Variants in TOR4A observed in about 807,000 individuals in gnomAD.
The protein encoded by TOR4A is torsin family 4 member A.
A neutral mutation model predicts 11.5 loss-of-function variants in TOR4A; 12 were observed. That is an observed-to-expected ratio of 1.04 (90% CI 0.67 to 1.69). The LOEUF (loss-of-function observed/expected upper bound fraction) is 1.69, where lower values mean the gene tolerates loss of function less well. Among genes scored for constraint, TOR4A ranks in the 40% most tolerant of loss-of-function variants. The pLI, the probability that TOR4A is intolerant of heterozygous loss-of-function variation, is 0.00. For missense variants in TOR4A, 640 were observed against 643.2 expected (o/e 0.99, Z 0.05); for synonymous variants, 362 against 307.4 (o/e 1.18, Z -1.86).
chr9:137,277,788 C>T lies in TOR4A; in HGVS notation c.-157C>T, dbSNP rs532574312. 2 of 152,442 alleles carry T rather than the reference C, an allele frequency of 1.3e-5. No homozygotes were observed. The highest frequency in any genetic ancestry group is 2.9e-5 in the Non-Finnish European group (2 of 68,100). The allele number at this position is 152,442 out of a possible 1,614,324, so 9.4% of individuals were successfully genotyped here. A position where few individuals can be genotyped will look rare whatever the true frequency, so the allele number is the denominator to read the frequency against. On this transcript the variant is annotated 5_prime_UTR_variant, in exon 1 of 2. Transcript: ENST00000357503. ...GCTGCCCCTCCAGGCCGAAGCTGGC[C>T]CAGGAGGCCCCTGGCCCACCCCCTC...
At position 137,279,533 on chromosome 9, in the gene TOR4A, T is replaced by C. The variant is rs1429517659; in HGVS notation, c.844T>C (p.Phe282Leu). 1.9e-6 allele frequency: 3 copies of C among 1,587,578 alleles called. No homozygotes were observed. Among genetic ancestry groups the C allele is most frequent in the Admixed American group, 1.7e-5 (1 of 58,234 alleles). The change falls in exon 2 of 2, where the codon TTC becomes CTC. Residue 282 changes from phenylalanine (F) to leucine (L), a missense_variant. Phe to Leu is a conservative substitution (Grantham distance 22). Coordinates refer to ENST00000357503, the MANE Select transcript of TOR4A (RefSeq NM_017723.3). ...PRPLLDELHG[F>L]LQPQRSHHFH... ...GCCGCTGCTGGACGAGCTGCACGGCTTCCTGCAGCCGCAGCGCTCCCACCA... is the reference window on the plus strand; with the variant it reads ...GCCGCTGCTGGACGAGCTGCACGGCCTCCTGCAGCCGCAGCGCTCCCACCA...
rs1434451770 is a variant in TOR4A at position 137,281,389 on chromosome 9, T to G, written c.*1428T>G. On this transcript the variant is annotated 3_prime_UTR_variant, in exon 2 of 2. Transcript: ENST00000357503. ...CGGAGACCGCGCCCACCAGCGCCGG[T>G]GTCCCCGGAGGGGCCCCGCTAGTTC... The G allele has an allele frequency of 6.4e-6, 1 of 155,810 alleles. No individual in the cohort carries two copies. The highest frequency in any genetic ancestry group is 1.5e-5 in the Non-Finnish European group (1 of 68,058). 9.7% of individuals were successfully genotyped at this position (155,810 alleles called of 1,614,324 possible).
At position 137,278,463 on chromosome 9, in the gene TOR4A, G is replaced by C. The variant is rs529852325; in HGVS notation, c.-37-190G>C. Among the ~76,000 whole-genome samples the C allele has an allele frequency of 1.5e-3, 226 of 152,212 alleles. 3 individuals carry two copies. Among genetic ancestry groups the C allele is most frequent in the Middle Eastern group, 3.4e-3 (1 of 292 alleles). On this transcript the variant is annotated intron_variant, in intron 1 of 1. Coordinates refer to ENST00000357503, the MANE Select transcript of TOR4A (RefSeq NM_017723.3). Reference sequence around the variant, plus strand: ...CGGGGCCCTGCGGAGGGGCGGAGGGGCGGAGGGGCGGAGGGGTCGCTTGCC... The same window carrying C: ...CGGGGCCCTGCGGAGGGGCGGAGGGCCGGAGGGGCGGAGGGGTCGCTTGCC...
At position 137,280,754 on chromosome 9, in the gene TOR4A, A is replaced by G. The variant is rs559843534; in HGVS notation, c.*793A>G. On this transcript the variant is annotated 3_prime_UTR_variant, in exon 2 of 2. Coordinates refer to ENST00000357503, the MANE Select transcript of TOR4A (RefSeq NM_017723.3). ...TTTCCCTGGGGCCTTTTGTGCCCCG[A>G]GTTCCGCCCACCCGCACCCTCTGCG... 1.1e-4 allele frequency: 18 copies of G among 166,858 alleles called. No homozygotes were observed. Among genetic ancestry groups the G allele is most frequent in the Non-Finnish European group, 1.9e-4 (13 of 68,158 alleles). 10.3% of individuals were successfully genotyped at this position (166,858 alleles called of 1,614,324 possible).
At position 137,279,140 on chromosome 9, in the gene TOR4A, G is replaced by C. The variant is rs141961517; in HGVS notation, c.451G>C (p.Asp151His). Residue 151 changes from aspartate to histidine, a missense_variant, in exon 2 of 2, where the codon GAC becomes CAC. Physicochemically the swap from Asp to His is moderately conservative, Grantham distance 81. Transcript: ENST00000357503. ...CGATAACGCGCAGCGCTATGACCTC[G>C]ACGGGCTGGAGAAAGCGCTGCAGCG... ...LDDNAQRYDL[D>H]GLEKALQRAV... 128 of 1,580,160 alleles carry C rather than the reference G, an allele frequency of 8.1e-5. No individual in the cohort carries two copies. The highest frequency in any genetic ancestry group is 1.1e-4 in the Non-Finnish European group (125 of 1,163,582).
In TOR4A at chr9:137,278,599, G is replaced by A. The variant is rs928369620; in HGVS notation, c.-37-54G>A. 3.9e-5 allele frequency: 45 copies of A among 1,166,358 alleles called. No homozygotes were observed. In the African/African-American group the frequency reaches 6.5e-4, roughly 17 times the overall value. 72.3% of individuals were successfully genotyped at this position (1,166,358 alleles called of 1,614,324 possible). A position where few individuals can be genotyped will look rare whatever the true frequency, so the allele number is the denominator to read the frequency against. ...CTCCGGGGACCGGTTCCGGCGGCCC[G>A]CGGGAAAGGGCAGTGGCGGGAGTCC... On this transcript the variant is annotated intron_variant, in intron 1 of 1. Transcript: ENST00000357503.
chr9:137,279,883 C>G lies in TOR4A; in HGVS notation c.1194C>G (p.Leu398=). Residue 398 remains leucine, a synonymous_variant, in exon 2 of 2, where the codon CTC becomes CTG. Coordinates refer to ENST00000357503, the MANE Select transcript of TOR4A (RefSeq NM_017723.3). ...QARAENLAAQ[L]SFYRVAGREF... is the part of the protein sequence containing the mutation. ...GCGCGGAGAACCTGGCCGCGCAGCT[C>G]AGCTTCTACCGCGTGGCTGGCCGCG... 6.3e-7 allele frequency: 1 copy of G among 1,581,748 alleles called. No homozygotes were observed. Among genetic ancestry groups the G allele is most frequent in the African/African-American group, 1.3e-5 (1 of 74,514 alleles).
chr9:137,278,742 C>G lies in TOR4A; in HGVS notation c.53C>G (p.Ser18Trp). Residue 18 changes from serine (S) to tryptophan (W), a missense_variant, in exon 2 of 2, where the codon TCG becomes TGG. Transcript: ENST00000357503. ...LEPAAAAPRASGRCVIAPVRA... is the reference protein window; with the variant it reads ...LEPAAAAPRAWGRCVIAPVRA... ...CCTGCTGCCGCGGCCCCCCGAGCCTCGGGCCGGTGCGTGATCGCGCCCGTG... is the reference window on the plus strand; with the variant it reads ...CCTGCTGCCGCGGCCCCCCGAGCCTGGGGCCGGTGCGTGATCGCGCCCGTG... The G allele has an allele frequency of 1.4e-6, 2 of 1,385,246 alleles. No homozygotes were observed. The highest frequency in any genetic ancestry group is 1.6e-5 in the South Asian group (1 of 63,018). The allele number at this position is 1,385,246 out of a possible 1,614,324, so 85.8% of individuals were successfully genotyped here. A position where few individuals can be genotyped will look rare whatever the true frequency, so the allele number is the denominator to read the frequency against.
At position 137,281,494 on chromosome 9, in the gene TOR4A, G is replaced by C. The variant is rs541013935; in HGVS notation, c.*1533G>C. The C allele has an allele frequency of 6.1e-6, 1 of 162,960 alleles. No homozygotes were observed. The highest frequency in any genetic ancestry group is 1.5e-5 in the Non-Finnish European group (1 of 68,128). 10.1% of individuals were successfully genotyped at this position (162,960 alleles called of 1,614,324 possible). ...CGCATCCATTCTCGCCCTGGTGGTT[G>C]GTGTCTGTGGTCGGGGGCGAGGGCC... On this transcript the variant is annotated 3_prime_UTR_variant, in exon 2 of 2. Coordinates refer to ENST00000357503, the MANE Select transcript of TOR4A (RefSeq NM_017723.3).
rs117569577 is a variant in TOR4A at position 137,280,970 on chromosome 9, C to T, written c.*1009C>T. On this transcript the variant is annotated 3_prime_UTR_variant, in exon 2 of 2. Coordinates refer to ENST00000357503, the MANE Select transcript of TOR4A (RefSeq NM_017723.3). The stretch of plus-strand genomic sequence containing the variant: ...GGTTGCCTCGGGACGGTTCTCGCCT[C>T]CTCCCACAGCCCCGGTGTCTGGGAC... 0.014 allele frequency: 2,289 copies of T among 167,126 alleles called. 70 individuals are homozygous for T. The highest frequency in any genetic ancestry group is 0.13 in the East Asian group (666 of 5,158). 10.4% of individuals were successfully genotyped at this position (167,126 alleles called of 1,614,324 possible). A position where few individuals can be genotyped will look rare whatever the true frequency, so the allele number is the denominator to read the frequency against.
At position 137,279,906 on chromosome 9, in the gene TOR4A, G is replaced by A. The variant is rs768905936; in HGVS notation, c.1217G>A (p.Arg406His). The A allele has an allele frequency of 3.8e-6, 6 of 1,579,284 alleles. 1 individual carries two copies. In the South Asian group the frequency reaches 4.6e-5, roughly 12 times the overall value. The stretch of plus-strand genomic sequence containing the variant: ...CTCAGCTTCTACCGCGTGGCTGGCC[G>A]CGAGTTTGCCGTCACCGGCTGCAAG... Reference protein sequence around the residue: ...AQLSFYRVAGREFAVTGCKQV... With the variant: ...AQLSFYRVAGHEFAVTGCKQV... The change falls in exon 2 of 2, where the codon CGC becomes CAC. Residue 406 changes from arginine (R) to histidine (H), a missense_variant. Physicochemically the swap from Arg to His is conservative, Grantham distance 29 (BLOSUM62 0). Coordinates refer to ENST00000357503, the MANE Select transcript of TOR4A (RefSeq NM_017723.3).
chr9:137,281,458 C>T lies in TOR4A; in HGVS notation c.*1497C>T, dbSNP rs936602897. The T allele has an allele frequency of 7.4e-5, 12 of 161,344 alleles. No homozygotes were observed. Among genetic ancestry groups the T allele is most frequent in the African/African-American group, 2.9e-4 (12 of 41,474 alleles). The allele number at this position is 161,344 out of a possible 1,614,324, so 10.0% of individuals were successfully genotyped here. A position where few individuals can be genotyped will look rare whatever the true frequency, so the allele number is the denominator to read the frequency against. On this transcript the variant is annotated 3_prime_UTR_variant, in exon 2 of 2. Transcript: ENST00000357503. The stretch of plus-strand genomic sequence containing the variant: ...GGCTTCCCGGAGGGTGTCCTGTTCT[C>T]TCCCCCGCCTCGCATCCATTCTCGC...
Position 137,279,663 on chromosome 9 carries a change from G to A in TOR4A, c.974G>A (p.Gly325Asp), listed in dbSNP as rs1224073981. Residue 325 changes from glycine (G) to aspartate (D), a missense_variant, in exon 2 of 2, where the codon GGC becomes GAC. Physicochemically the swap from Gly to Asp is moderately conservative, Grantham distance 94 (BLOSUM62 -1). Transcript: ENST00000357503. ...CGCGCGCTGCCCCTGCGCCCCGACG[G>A]CTTCCGCAGTGCCGAGGCCGCAGCG... Reference protein sequence around the residue: ...ASRALPLRPDGFRSAEAAAAQ... With the variant: ...ASRALPLRPDDFRSAEAAAAQ... The A allele has an allele frequency of 6.4e-7, 1 of 1,565,382 alleles. No individual in the cohort carries two copies. The highest frequency in any genetic ancestry group is 8.6e-7 in the Non-Finnish European group (1 of 1,160,962).
In TOR4A at chr9:137,279,643, G is replaced by C. The variant is rs747370960; in HGVS notation, c.954G>C (p.Ala318=). Residue 318 remains alanine, a synonymous_variant, in exon 2 of 2, where the codon GCG becomes GCC. Transcript: ENST00000357503. The stretch of plus-strand genomic sequence containing the variant: ...TCGTGCTGCAGAACGCGTCCCGCGC[G>C]CTGCCCCTGCGCCCCGACGGCTTCC... ...TRFVLQNASR[A]LPLRPDGFRS... is the part of the protein sequence containing the mutation. The C allele has an allele frequency of 3.8e-6, 6 of 1,560,796 alleles. No homozygotes were observed. In the African/African-American group the frequency reaches 4.1e-5, roughly 11 times the overall value.
At position 137,280,540 on chromosome 9, in the gene TOR4A, C is replaced by G. The variant is rs188937345; in HGVS notation, c.*579C>G. On this transcript the variant is annotated 3_prime_UTR_variant, in exon 2 of 2. Coordinates refer to ENST00000357503, the MANE Select transcript of TOR4A (RefSeq NM_017723.3). Reference sequence around the variant, plus strand: ...GGAGCGGAGGCGGAGGCGCCTCAGGCAGCCTCTCCCCCTCCTTCCTGGACC... The same window carrying G: ...GGAGCGGAGGCGGAGGCGCCTCAGGGAGCCTCTCCCCCTCCTTCCTGGACC... 2,196 of 167,334 alleles carry G rather than the reference C, an allele frequency of 0.013. 48 individuals are homozygous for G. The highest frequency in any genetic ancestry group is 0.05 in the African/African-American group (2,066 of 41,556). The allele number at this position is 167,334 out of a possible 1,614,324, so 10.4% of individuals were successfully genotyped here.
Position 137,279,871 on chromosome 9 carries a change from G to T in TOR4A, c.1182G>T (p.Leu394=). ...CTGACCAGGCCCGCGCGGAGAACCTGGCCGCGCAGCTCAGCTTCTACCGCG... is the reference window on the plus strand; with the variant it reads ...CTGACCAGGCCCGCGCGGAGAACCTTGCCGCGCAGCTCAGCTTCTACCGCG... ...FFPDQARAEN[L]AAQLSFYRVA... is the part of the protein sequence containing the mutation. Residue 394 remains leucine (L), a synonymous_variant, in exon 2 of 2, where the codon CTG becomes CTT. Coordinates refer to ENST00000357503, the MANE Select transcript of TOR4A (RefSeq NM_017723.3). The T allele has an allele frequency of 6.3e-7, 1 of 1,584,450 alleles. No homozygotes were observed. The highest frequency in any genetic ancestry group is 8.6e-7 in the Non-Finnish European group (1 of 1,168,782).
rs1830674461 is a variant in TOR4A, at chr9:137,278,684, T to G, written c.-6T>G. On this transcript the variant is annotated 5_prime_UTR_variant, in exon 2 of 2. Transcript: ENST00000357503. ...CGACCTGTATGCGGAGCGCCGTTCC[T>G]GCGACATGGACCGCGGCCAGCCCAG... The G allele has an allele frequency of 7.5e-7, 1 of 1,336,664 alleles. No homozygotes were observed. 82.8% of individuals were successfully genotyped at this position (1,336,664 alleles called of 1,614,324 possible). A position where few individuals can be genotyped will look rare whatever the true frequency, so the allele number is the denominator to read the frequency against.
rs1427415981 is a variant in TOR4A at position 137,279,910 on chromosome 9, G to T, written c.1221G>T (p.Glu407Asp). The part of the protein sequence containing the change: ...QLSFYRVAGR[E>D]FAVTGCKQVV... ...GCTTCTACCGCGTGGCTGGCCGCGA[G>T]TTTGCCGTCACCGGCTGCAAGCAGG... is the stretch of plus-strand genomic sequence containing the variant. The change falls in exon 2 of 2, where the codon GAG (glutamate) becomes GAT (aspartate). Residue 407 changes from glutamate to aspartate, a missense_variant. By Grantham distance (45) the Glu-to-Asp change is conservative. Coordinates refer to ENST00000357503, the MANE Select transcript of TOR4A (RefSeq NM_017723.3). 6.3e-7 allele frequency: 1 copy of T among 1,580,132 alleles called. No individual in the cohort carries two copies.
rs1304829944 is a variant in TOR4A at position 137,278,814 on chromosome 9, G to A, written c.125G>A (p.Arg42Gln). 3 of 1,481,274 alleles carry A rather than the reference G, an allele frequency of 2.0e-6. No individual in the cohort carries two copies. The highest frequency in any genetic ancestry group is 2.7e-6 in the Non-Finnish European group (3 of 1,126,202). 91.8% of individuals were successfully genotyped at this position (1,481,274 alleles called of 1,614,324 possible). ...CGCCGGGTGTGTGTCCTACGCAAAC[G>A]GCGCCTCCTGCAGCCGGGTGGGGGG... ...LRRRVCVLRK[R>Q]RLLQPGGGPD... Residue 42 changes from arginine to glutamine, a missense_variant, in exon 2 of 2, where the codon CGG becomes CAG. Arg to Gln is a conservative substitution (Grantham distance 43). Transcript: ENST00000357503.
Sources: gnomAD v4.1 joint callset for allele counts (sites outside exome capture counted in the v4.1 genomes callset) on GRCh38, gnomAD v4.1.1 for gene constraint, MANE v1.5 for transcripts, NCBI Gene and HGNC (gene_info 2026-07-23, HGNC 2026-07-21) for gene names.